RETREG1: variants seen among roughly 807,000 people sequenced by gnomAD.
The protein encoded by RETREG1 is reticulophagy regulator 1.
Under a neutral mutation model 54.8 loss-of-function variants are expected in RETREG1, and 44 were observed. That is an observed-to-expected ratio of 0.80 (90% CI 0.63 to 1.03). The LOEUF is 1.03. Among genes scored for constraint, RETREG1 ranks in the 50% least tolerant of loss-of-function variants. The pLI, the probability that RETREG1 is intolerant of heterozygous loss-of-function variation, is 0.00. For synonymous variants in RETREG1, 217 were observed against 238.5 expected, an observed-to-expected ratio of 0.91 and a Z score of 0.83; for missense variants, 554 against 605.1, an observed-to-expected ratio of 0.92 and a Z score of 0.89.
At chr5:16,576,488 A>C (rs115441812) in intron 1 of RETREG1, among the ~76,000 whole-genome samples, 4,703 of 148,768 alleles carry the variant, frequency 0.032, 220 homozygotes, top group African/African-American at 0.11. Context: ...TTATTTATTT[A>C]TTTTTTTATT....
At chr5:16,536,053 G>A (rs148624676) in intron 3 of RETREG1, among the ~76,000 whole-genome samples, 82 of 152,342 alleles carry the variant, frequency 5.4e-4, no homozygotes, top group African/African-American at 1.7e-3. Flanking sequence ...CTGTGTGCAC[G>A]CTGCCTTGGG....
intron 3 of RETREG1, among the ~76,000 whole-genome samples, chr5:16,550,468 T>G (rs955447645): frequency 6.6e-6 from 1 of 152,310 alleles, no homozygotes; most frequent in African/African-American, 2.4e-5. Context: ...TTATGGATGA[T>G]GAGCCACGCC....
At chr5:16,519,992 C>T (rs1740478016) in intron 3 of RETREG1, among the ~76,000 whole-genome samples, 1 of 152,180 alleles carries the variant, frequency 6.6e-6, no homozygotes, top group African/African-American at 2.4e-5. Flanking sequence ...ACCCCTACCG[C>T]CTGACCCTGT....
chr5:16,563,285 T>A (rs1322539308), intron 3 of RETREG1, among the ~76,000 whole-genome samples: 1 of 152,192 alleles, frequency 6.6e-6, no homozygotes, highest in Non-Finnish European at 1.5e-5. Context: ...TAAGACAAGG[T>A]CTCGCTCTGT....
chr5:16,603,917 T>C (rs908478861), intron 1 of RETREG1, among the ~76,000 whole-genome samples: 5 of 145,488 alleles, frequency 3.4e-5, no homozygotes, highest in South Asian at 2.3e-4. Flanking sequence ...TATGATGAGA[T>C]TGGGCCACTG....
intron 2 of RETREG1, among the ~76,000 whole-genome samples, chr5:16,571,706 G>T (rs1053646119): frequency 6.6e-6 from 1 of 152,074 alleles, no homozygotes; most frequent in African/African-American, 2.4e-5. Context: ...CATGTGAGAT[G>T]TAATAAATAT....
At chr5:16,581,619 C>G (rs1301904184) in intron 1 of RETREG1, among the ~76,000 whole-genome samples, 1 of 152,078 alleles carries the variant, frequency 6.6e-6, no homozygotes, top group Admixed American at 6.6e-5. Flanking sequence ...AGCCCAGGCA[C>G]TTGTGACCAC....
chr5:16,517,275 C>T (rs62369711), intron 3 of RETREG1, among the ~76,000 whole-genome samples: 15,529 of 151,998 alleles, frequency 0.1, 888 homozygotes, highest in African/African-American at 0.11. Context: ...GATGTGTAGG[C>T]CTGACCTGAA....
At chr5:16,545,771 T>G (rs543508743) in intron 3 of RETREG1, among the ~76,000 whole-genome samples, 4 of 152,116 alleles carry the variant, frequency 2.6e-5, no homozygotes, top group Non-Finnish European at 4.4e-5. Context: ...AAATAATAAT[T>G]CCTCCTTTGT....
intron 1 of RETREG1, among the ~76,000 whole-genome samples, chr5:16,609,422 C>T (rs1743278393): frequency 6.6e-6 from 1 of 152,130 alleles, no homozygotes; most frequent in Non-Finnish European, 1.5e-5. Flanking sequence ...TGACAAAGCA[C>T]TAAATGATAT....
At chr5:16,577,320 G>A (rs1038745189) in intron 1 of RETREG1, among the ~76,000 whole-genome samples, 1 of 148,326 alleles carries the variant, frequency 6.7e-6, no homozygotes, top group African/African-American at 2.5e-5. Flanking sequence ...AAAACCCAAA[G>A]ATAGGTGGTA....
intron 1 of RETREG1, among the ~76,000 whole-genome samples, chr5:16,575,779 C>T (rs571169513): frequency 5.1e-4 from 77 of 152,290 alleles, no homozygotes; most frequent in African/African-American, 1.8e-3. Context: ...TATGGGACTA[C>T]ATATTTGATT....
At chr5:16,479,755 AG>A (rs1306921462) in intron 5 of RETREG1, among the ~76,000 whole-genome samples, 1 of 152,118 alleles carries the variant, frequency 6.6e-6, no homozygotes, top group Admixed American at 6.6e-5. Context: ...TGTTCGTTTT[AG>A]GAAGTGTCCC....
intron 3 of RETREG1, among the ~76,000 whole-genome samples, chr5:16,511,725 G>T (rs1366331840): frequency 6.6e-6 from 1 of 152,162 alleles, no homozygotes; most frequent in Non-Finnish European, 1.5e-5. Flanking sequence ...GGATCTGCAG[G>T]CTGTACAGGA....
At chr5:16,562,150 T>C (rs1741871173) in intron 3 of RETREG1, among the ~76,000 whole-genome samples, 1 of 152,106 alleles carries the variant, frequency 6.6e-6, no homozygotes, top group African/African-American at 2.4e-5. Flanking sequence ...ACCCCATCTC[T>C]AGTAAAAATA....
At chr5:16,607,583 C>T (rs1386238987) in intron 1 of RETREG1, among the ~76,000 whole-genome samples, 2 of 152,008 alleles carry the variant, frequency 1.3e-5, no homozygotes, top group Non-Finnish European at 2.9e-5. Flanking sequence ...CACTGCACTC[C>T]AGCCTGGAAG....
At chr5:16,591,050 C>T (rs1264477911) in intron 1 of RETREG1, among the ~76,000 whole-genome samples, 1 of 152,136 alleles carries the variant, frequency 6.6e-6, no homozygotes, top group Non-Finnish European at 1.5e-5. Context: ...AAATATCTAT[C>T]ATAGCACAGA....
intron 3 of RETREG1, among the ~76,000 whole-genome samples, chr5:16,522,191 G>A (rs752655353): frequency 6.6e-6 from 1 of 151,766 alleles, no homozygotes; most frequent in Non-Finnish European, 1.5e-5. Flanking sequence ...AAGAAAAGCT[G>A]AGCAACACCC....
chr5:16,493,026 A>G (rs1175546428), intron 3 of RETREG1, among the ~76,000 whole-genome samples: 1 of 152,134 alleles, frequency 6.6e-6, no homozygotes, highest in Non-Finnish European at 1.5e-5. Context: ...CTGCCTGGAG[A>G]AGCTTTCTGC....
Sources: gnomAD v4.1 joint callset for allele counts (sites outside exome capture counted in the v4.1 genomes callset) on GRCh38, gnomAD v4.1.1 for gene constraint, MANE v1.5 for transcripts, NCBI Gene and HGNC (gene_info 2026-07-23, HGNC 2026-07-21) for gene names.